The following DCDC1 variants were observed in gnomAD, a reference collection of about 807,000 sequenced individuals.
DCDC1 encodes the protein doublecortin domain-containing protein 1.
In DCDC1, 200 loss-of-function variants were observed where a neutral mutation model predicts 178.3. The ratio of observed to expected loss-of-function variants is 1.12; its 90% CI spans 1.00 to 1.26. DCDC1 has a LOEUF of 1.26. Ranked by LOEUF, DCDC1 falls within the 50% of genes most tolerant of loss-of-function variation. The pLI, the probability that DCDC1 is intolerant of heterozygous loss-of-function variation, is 0.00. For synonymous variants in DCDC1, 690 were observed against 604.8 expected (o/e 1.14, Z -2.07); for missense variants, 1,983 against 1,749.2 (o/e 1.13, Z -2.38).
intron 20 of DCDC1, among the ~76,000 whole-genome samples, chr11:31,012,175 C>A (rs190389069): frequency 6.3e-4 from 96 of 152,304 alleles, no homozygotes; most frequent in African/African-American, 2.2e-3. Flanking sequence ...CCTGCAGAAC[C>A]GTAAGCGAAT....
chr11:31,190,499 G>A (rs1970010841), intron 9 of DCDC1, among the ~76,000 whole-genome samples: 1 of 152,014 alleles, frequency 6.6e-6, no homozygotes, highest in Non-Finnish European at 1.5e-5. Context: ...CTATTAATGG[G>A]CATTTAGGTT....
At chr11:31,207,972 TG>T (rs1972067837) in intron 9 of DCDC1, among the ~76,000 whole-genome samples, 1 of 152,198 alleles carries the variant, frequency 6.6e-6, no homozygotes, top group Admixed American at 6.5e-5. Flanking sequence ...CTGAGTTTTG[TG>T]TCTTAACAAC....
At chr11:31,332,812 A>G (rs187280366) in intron 2 of DCDC1, among the ~76,000 whole-genome samples, 17 of 152,264 alleles carry the variant, frequency 1.1e-4, no homozygotes, top group Admixed American at 1.1e-3. Flanking sequence ...TATGTGGTCA[A>G]TTTTGGAATA....
intron 1 of DCDC1, among the ~76,000 whole-genome samples, chr11:31,366,705 T>C (rs948260101): frequency 6.6e-6 from 1 of 152,194 alleles, no homozygotes; most frequent in African/African-American, 2.4e-5. Flanking sequence ...AGTCAATCAC[T>C]GAGACAATGA....
chr11:30,934,884 C>T (rs1273211893), intron 21 of DCDC1, among the ~76,000 whole-genome samples: 2 of 152,174 alleles, frequency 1.3e-5, no homozygotes, highest in African/African-American at 4.8e-5. Flanking sequence ...AATCCTTTAC[C>T]TCAATTGTTT....
intron 18 of DCDC1, among the ~76,000 whole-genome samples, chr11:31,069,917 G>A (rs1956453863): frequency 1.3e-5 from 2 of 152,184 alleles, no homozygotes; most frequent in South Asian, 4.1e-4. Context: ...AGACACTGCA[G>A]AAGCAAAGAC....
intron 27 of DCDC1, among the ~76,000 whole-genome samples, chr11:30,915,033 T>C (rs1449726979): frequency 2.0e-5 from 3 of 152,218 alleles, no homozygotes; most frequent in Non-Finnish European, 4.4e-5. Flanking sequence ...TTTGCTAAGA[T>C]AGGAATTAGT....
At chr11:30,956,971 T>A (rs1391500784) in intron 20 of DCDC1, among the ~76,000 whole-genome samples, 1 of 152,124 alleles carries the variant, frequency 6.6e-6, no homozygotes, top group African/African-American at 2.4e-5. Context: ...GCCCTTCTTA[T>A]TTCACTGAGA....
intron 20 of DCDC1, among the ~76,000 whole-genome samples, chr11:31,030,127 T>G (rs982462870): frequency 7.2e-6 from 1 of 138,286 alleles, no homozygotes; most frequent in Non-Finnish European, 1.6e-5. Flanking sequence ...CAATAAGTCA[T>G]GTATACAAAT....
At position 30,952,586 on chromosome 11, in the gene DCDC1, A is replaced by G; in HGVS notation, c.2592-18T>C. On this transcript the variant is annotated intron_variant, in intron 20 of 38. Coordinates refer to ENST00000684477, the MANE Select transcript of DCDC1 (RefSeq NM_001387274.1). The stretch of plus-strand genomic sequence containing the variant: ...TGGCCCACCTAAAACAAAAGATAAA[A>G]AACAAAAAGAAATTTAGCAAGGTTA... 1 of 1,095,632 alleles carries G rather than the reference A, an allele frequency of 9.1e-7. No homozygotes were observed. Among genetic ancestry groups the G allele is most frequent in the African/African-American group, 1.6e-5 (1 of 64,492 alleles). 67.9% of individuals were successfully genotyped at this position (1,095,632 alleles called of 1,614,324 possible).
chr11:31,231,575 A>G (rs1223486714), intron 9 of DCDC1, among the ~76,000 whole-genome samples: 1 of 152,190 alleles, frequency 6.6e-6, no homozygotes, highest in Admixed American at 6.5e-5. Context: ...AGGAGTTGGG[A>G]ATCTGGACAT....
chr11:31,144,598 C>T (rs530126590), intron 9 of DCDC1, among the ~76,000 whole-genome samples: 3 of 152,152 alleles, frequency 2.0e-5, no homozygotes, highest in African/African-American at 4.8e-5. Flanking sequence ...ATTTTTTGAC[C>T]GTTTGGTAAG....
chr11:31,189,013 T>C (rs948263356), intron 9 of DCDC1, among the ~76,000 whole-genome samples: 13 of 152,142 alleles, frequency 8.5e-5, no homozygotes, highest in Non-Finnish European at 1.9e-4. Flanking sequence ...GAAGGTGCCA[T>C]CTTTGGAGCA....
chr11:31,134,965 T>C (rs1962940032), intron 10 of DCDC1, among the ~76,000 whole-genome samples: 1 of 152,162 alleles, frequency 6.6e-6, no homozygotes, highest in Admixed American at 6.6e-5. Flanking sequence ...TGCTTCATTC[T>C]AGTCTAGGTA....
intron 20 of DCDC1, among the ~76,000 whole-genome samples, chr11:31,023,196 A>C (rs1323613987): frequency 6.6e-6 from 1 of 152,120 alleles, no homozygotes; most frequent in Non-Finnish European, 1.5e-5. Flanking sequence ...GCCTTAGTTT[A>C]TAATTATGGA....
intron 9 of DCDC1, among the ~76,000 whole-genome samples, chr11:31,216,184 A>G (rs1973534421): frequency 6.6e-6 from 1 of 152,200 alleles, no homozygotes; most frequent in Admixed American, 6.5e-5. Flanking sequence ...GGTTGCAACT[A>G]TTAATATGAA....
chr11:31,350,419 T>C (rs1951013883), intron 1 of DCDC1, among the ~76,000 whole-genome samples: 1 of 152,222 alleles, frequency 6.6e-6, no homozygotes, highest in African/African-American at 2.4e-5. Flanking sequence ...AGAATATGTA[T>C]GTTAAGCTCC....
intron 1 of DCDC1, among the ~76,000 whole-genome samples, chr11:31,346,479 A>T (rs921841463): frequency 6.8e-5 from 9 of 131,648 alleles, no homozygotes; most frequent in Non-Finnish European, 1.0e-4. Context: ...AAAAAAAAAA[A>T]AAAAAAAAAG....
At chr11:31,307,583 T>A in intron 4 of DCDC1, 56 bp downstream of exon 4, 2 of 1,590,070 alleles carry the variant, frequency 1.3e-6, no homozygotes, top group Middle Eastern at 1.7e-4. Context: ...TAAACTCTGC[T>A]CAAAGGAAAG....
Sources: gnomAD v4.1 joint callset for allele counts (sites outside exome capture counted in the v4.1 genomes callset) on GRCh38, gnomAD v4.1.1 for gene constraint, MANE v1.5 for transcripts, NCBI Gene and HGNC (gene_info 2026-07-23, HGNC 2026-07-21) for gene names.